DHRS3: variants seen among roughly 807,000 people sequenced by gnomAD.
The protein encoded by DHRS3 is dehydrogenase/reductase 3, also known as short-chain dehydrogenase/reductase 3.
A neutral mutation model predicts 27.2 loss-of-function variants in DHRS3; 14 were observed. The observed-to-expected ratio is 0.52, with a 90% CI of 0.34 to 0.81. DHRS3 has a LOEUF of 0.81. DHRS3 is among the 30% of genes least tolerant of loss of function. The pLI is 0.01. For synonymous variants in DHRS3, 165 were observed against 175.9 expected (o/e 0.94, Z 0.49); for missense variants, 322 against 406.2 (o/e 0.79, Z 1.78).
At position 12,591,489 on chromosome 1, in the gene DHRS3, T is replaced by C. The variant is rs1433690923; in HGVS notation, c.196-10823A>G. On this transcript the variant is annotated intron_variant, in intron 1 of 5. Coordinates refer to ENST00000616661, the MANE Select transcript of DHRS3 (RefSeq NM_004753.7). This position sits in a 1 kb window ranked among gnomAD's most constrained non-coding sequence, Gnocchi z 4.1. Reference sequence around the variant, plus strand: ...GTGGTGTCGCCCTCCCACAAGTCCCTGACCGCAACCTGGAGCAGGGCAGAG... The same window carrying C: ...GTGGTGTCGCCCTCCCACAAGTCCCCGACCGCAACCTGGAGCAGGGCAGAG... Among the ~76,000 whole-genome samples, 1 of 152,238 alleles carries C rather than the reference T, an allele frequency of 6.6e-6. No homozygotes were observed. The highest frequency in any genetic ancestry group is 1.5e-5 in the Non-Finnish European group (1 of 68,032).
At chr1:12,600,614 G>A (rs955030945) in intron 1 of DHRS3, among the ~76,000 whole-genome samples, 5 of 152,192 alleles carry the variant, frequency 3.3e-5, no homozygotes, top group African/African-American at 1.2e-4. Flanking sequence ...GCCTGTGAGA[G>A]GGGCCACTGC....
intron 1 of DHRS3, among the ~76,000 whole-genome samples, chr1:12,583,546 A>C (rs1322316010): frequency 2.3e-3 from 140 of 61,364 alleles, no homozygotes; most frequent in Admixed American, 2.9e-3. Flanking sequence ...CACCCACCCC[A>C]CTCCATCCAC....
intron 1 of DHRS3, among the ~76,000 whole-genome samples, chr1:12,581,130 A>G (rs1646640456): frequency 6.6e-6 from 1 of 152,196 alleles, no homozygotes; most frequent in African/African-American, 2.4e-5. Context: ...CCCAGCCAAC[A>G]ATATAACTTT....
At chr1:12,611,934 AAAATAAATAAAT>A (rs138133904) in intron 1 of DHRS3, among the ~76,000 whole-genome samples, 18 of 144,744 alleles carry the variant, frequency 1.2e-4, no homozygotes, top group Admixed American at 1.1e-3. Flanking sequence ...CTCTATTTTT[AAAATAAATAAAT>A]AAATAAATAA....
chr1:12,605,074 A>G (rs12040958), intron 1 of DHRS3, among the ~76,000 whole-genome samples: 1 of 103,110 alleles, frequency 9.7e-6, no homozygotes, highest in Non-Finnish European at 2.0e-5. Flanking sequence ...GCAAAACTCC[A>G]TCTCAAAAAA....
Position 12,570,905 on chromosome 1 carries a change from C to T in DHRS3, c.824+1823G>A, listed in dbSNP as rs553039358. ...TGAGTTTGGGGAAGAGAGGGCTGATCGGGCTTGCGCCTCAGTTTCGAGGTT... is the reference window on the plus strand; with the variant it reads ...TGAGTTTGGGGAAGAGAGGGCTGATTGGGCTTGCGCCTCAGTTTCGAGGTT... On this transcript the variant is annotated intron_variant, in intron 5 of 5. Coordinates refer to ENST00000616661, the MANE Select transcript of DHRS3 (RefSeq NM_004753.7). 8.5e-5 allele frequency among the ~76,000 whole-genome samples: 13 copies of T among 152,368 alleles called. 1 individual carries two copies. Among genetic ancestry groups the T allele is most frequent in the African/African-American group, 2.6e-4 (11 of 41,592 alleles).
At chr1:12,587,577 G>A (rs754383659) in intron 1 of DHRS3, among the ~76,000 whole-genome samples, 11 of 151,984 alleles carry the variant, frequency 7.2e-5, no homozygotes, top group Non-Finnish European at 1.5e-4. Context: ...AAAAATAGAA[G>A]GTGGGGCTGG....
Position 12,592,471 on chromosome 1 carries a change from G to T in DHRS3, c.196-11805C>A, listed in dbSNP as rs1329719684. 6.6e-6 allele frequency among the ~76,000 whole-genome samples: 1 copy of T among 152,198 alleles called. No individual in the cohort carries two copies. The highest frequency in any genetic ancestry group is 1.5e-5 in the Non-Finnish European group (1 of 68,018). ...GAGGAGAGGAAGGCCGCGTGAAGAT[G>T]GAAGCAGAGACGGCAGTGAGGCGGC... is the stretch of plus-strand genomic sequence containing the variant. On this transcript the variant is annotated intron_variant, in intron 1 of 5. Transcript: ENST00000616661. The surrounding 1 kb of genome is among the most constrained non-coding windows in gnomAD (Gnocchi z 4.2).
At chr1:12,588,755 C>T (rs1646720202) in intron 1 of DHRS3, among the ~76,000 whole-genome samples, 1 of 152,326 alleles carries the variant, frequency 6.6e-6, no homozygotes, top group Admixed American at 6.5e-5. Context: ...GGCTTTCATT[C>T]CTGGAGTTCA....
Position 12,617,204 on chromosome 1 carries a change from C to G in DHRS3, c.145G>C (p.Gly49Arg). 6.2e-7 allele frequency: 1 copy of G among 1,613,348 alleles called. No homozygotes were observed. The highest frequency in any genetic ancestry group is 8.5e-7 in the Non-Finnish European group (1 of 1,179,882). ...ENVLITGGGRGIGRQLAREFA... is the reference protein window; with the variant it reads ...ENVLITGGGRRIGRQLAREFA... ...TCGCGGGCGAGCTGACGCCCGATGC[C>G]TCTCCCGCCGCCGGTGATGAGGACG... The change falls in exon 1 of 6, where the codon GGC becomes CGC. Residue 49 changes from glycine (G) to arginine (R), a missense_variant. Coordinates refer to ENST00000616661, the MANE Select transcript of DHRS3 (RefSeq NM_004753.7).
intron 1 of DHRS3, among the ~76,000 whole-genome samples, chr1:12,599,710 C>T (rs1343766081): frequency 1.3e-5 from 2 of 152,246 alleles, no homozygotes; most frequent in Non-Finnish European, 2.9e-5. Flanking sequence ...GGGATATTTT[C>T]CTTCTGCTGC....
intron 1 of DHRS3, among the ~76,000 whole-genome samples, chr1:12,587,184 C>T (rs544091821): frequency 6.7e-6 from 1 of 149,508 alleles, no homozygotes; most frequent in South Asian, 2.2e-4. Context: ...ACTCTGTTGC[C>T]CAGGCCGGAG....
chr1:12,573,616 A>G (rs1356351132), intron 4 of DHRS3, among the ~76,000 whole-genome samples: 1 of 152,230 alleles, frequency 6.6e-6, no homozygotes, highest in Non-Finnish European at 1.5e-5. Flanking sequence ...GGGCTTGGCT[A>G]GCGATGGCTG....
intron 1 of DHRS3, 53 bp downstream of exon 1, chr1:12,617,101 G>T: frequency 1.3e-6 from 2 of 1,553,510 alleles, no homozygotes; most frequent in Non-Finnish European, 8.7e-7. Context: ...CAGCAGGTGG[G>T]CTTACCCCCG....
chr1:12,601,837 C>T (rs979623307), intron 1 of DHRS3, among the ~76,000 whole-genome samples: 2 of 152,192 alleles, frequency 1.3e-5, no homozygotes, highest in African/African-American at 4.8e-5. Flanking sequence ...GGTACCCACG[C>T]TGGAAGGTTA....
chr1:12,604,967 C>T (rs1646860220), intron 1 of DHRS3, among the ~76,000 whole-genome samples: 1 of 151,760 alleles, frequency 6.6e-6, no homozygotes, highest in Non-Finnish European at 1.5e-5. Context: ...ATTACTTGAA[C>T]CTGGGAGGCG....
chr1:12,600,503 C>T (rs765162715), intron 1 of DHRS3: 27 of 572,232 alleles, frequency 4.7e-5, no homozygotes, highest in Non-Finnish European at 5.8e-5. Flanking sequence ...GGTGGACAGA[C>T]GCCATGTGGG....
chr1:12,601,114 A>G (rs1646833089), intron 1 of DHRS3, among the ~76,000 whole-genome samples: 1 of 151,918 alleles, frequency 6.6e-6, no homozygotes, highest in Admixed American at 6.5e-5. Context: ...TGACTGGAAG[A>G]TGAGTGTTGT....
chr1:12,585,205 CTGTG>C (rs1412283845), intron 1 of DHRS3, among the ~76,000 whole-genome samples: 2 of 16,306 alleles, frequency 1.2e-4, no homozygotes, highest in African/African-American at 2.8e-4. Flanking sequence ...GTGTGTGTGT[CTGTG>C]TATCTCTGTG....
Sources: allele counts gnomAD v4.1 joint callset (sites outside exome capture counted in the v4.1 genomes callset), GRCh38; gene constraint gnomAD v4.1.1; non-coding constraint Gnocchi (gnomAD v3.1); transcripts MANE v1.5; gene names NCBI Gene and HGNC (gene_info 2026-07-23, HGNC 2026-07-21).